The following SGCE variants were observed in gnomAD, a reference collection of about 807,000 sequenced individuals.
SGCE encodes sarcoglycan epsilon, also known as epsilon-sarcoglycan.
A neutral mutation model predicts 57.8 loss-of-function variants in SGCE; 26 were observed. That is an observed-to-expected ratio of 0.45 (90% CI 0.33 to 0.62). The LOEUF (loss-of-function observed/expected upper bound fraction) is 0.62, where lower values mean the gene tolerates loss of function less well. Ranked by LOEUF, SGCE falls within the 20% of genes least tolerant of loss-of-function variation. The pLI is 0.02. For synonymous variants in SGCE, 183 were observed against 189.5 expected, an observed-to-expected ratio of 0.97 and a Z score of 0.28; for missense variants, 468 against 548.6, an observed-to-expected ratio of 0.85 and a Z score of 1.47.
At chr7:94,596,219 T>C (rs1022685017) in intron 9 of SGCE, among the ~76,000 whole-genome samples, 9 of 152,134 alleles carry the variant, frequency 5.9e-5, no homozygotes, top group Non-Finnish European at 8.8e-5. Flanking sequence ...GTAAACTAGA[T>C]AGAAAATTTT....
chr7:94,616,655 T>C (rs1801971141), intron 5 of SGCE, among the ~76,000 whole-genome samples: 1 of 152,180 alleles, frequency 6.6e-6, no homozygotes, highest in African/African-American at 2.4e-5. Flanking sequence ...GGATTTTTTT[T>C]CTAAATTTAA....
chr7:94,598,382 C>G (rs1428960051), intron 9 of SGCE: 2 of 218,768 alleles, frequency 9.1e-6, no homozygotes, highest in Non-Finnish European at 1.8e-5. Flanking sequence ...TTACAAAGGT[C>G]TATGGTAATA....
Position 94,615,365 on chromosome 7 carries a change from AATAGATAGATAGATAGATAG to A in SGCE, c.662+3373_662+3392del, listed in dbSNP as rs3045711. 6.3e-3 allele frequency among the ~76,000 whole-genome samples: 900 copies of A among 142,302 alleles called. 5 individuals are homozygous for A. Among genetic ancestry groups the A allele is most frequent in the South Asian group, 0.023 (93 of 4,098 alleles). The allele number at this position is 142,302 out of a possible 152,430, so 93.4% of individuals were successfully genotyped here. A position where few individuals can be genotyped will look rare whatever the true frequency, so the allele number is the denominator to read the frequency against. ...CAGAGCAAGACTCTGTCTCAAAATA[AATAGATAGATAGATAGATAG>A]ATAGATAGATAGATAGATAGATAGA... On this transcript the variant is annotated intron_variant, in intron 5 of 10. Transcript: ENST00000648936.
intron 1 of SGCE, among the ~76,000 whole-genome samples, chr7:94,635,175 G>A (rs1048046250): frequency 6.6e-6 from 1 of 152,154 alleles, no homozygotes; most frequent in African/African-American, 2.4e-5. Context: ...TCATTGGGAA[G>A]CATCGCAAAG....
In SGCE at chr7:94,589,854, G is replaced by T. The variant is rs186659648; in HGVS notation, c.1254-1122C>A. 1.1e-4 allele frequency: 18 copies of T among 159,436 alleles called. No homozygotes were observed. The East Asian group carries it at 3.3e-3, about 29-fold the overall frequency. The allele number at this position is 159,436 out of a possible 1,614,324, so 9.9% of individuals were successfully genotyped here. On this transcript the variant is annotated intron_variant, in intron 9 of 10. Coordinates refer to ENST00000648936, the MANE Select transcript of SGCE (RefSeq NM_003919.3). ...ATAATATTTCATTATATATTACAAT[G>T]TAATAATAGAAATAAAGTGCATAAT... is the stretch of plus-strand genomic sequence containing the variant.
intron 1 of SGCE, among the ~76,000 whole-genome samples, chr7:94,643,072 C>A (rs1021641237): frequency 6.6e-6 from 1 of 152,194 alleles, no homozygotes; most frequent in Admixed American, 6.5e-5. Flanking sequence ...CTCTTTTGTT[C>A]CTTCCTTTAT....
rs150032548 is a variant in SGCE at position 94,613,906 on chromosome 7, G to C, written c.662+4852C>G. On this transcript the variant is annotated intron_variant, in intron 5 of 10. Coordinates refer to ENST00000648936, the MANE Select transcript of SGCE (RefSeq NM_003919.3). Reference sequence around the variant, plus strand: ...CAACTTCTTTCTAATGTACATACCTGCAATTAATCAATCAAAAAGTAAGAT... The same window carrying C: ...CAACTTCTTTCTAATGTACATACCTCCAATTAATCAATCAAAAAGTAAGAT... Among the ~76,000 whole-genome samples, 533 of 151,936 alleles carry C rather than the reference G, an allele frequency of 3.5e-3. 3 individuals carry two copies. The highest frequency in any genetic ancestry group is 0.012 in the African/African-American group (508 of 41,458).
intron 1 of SGCE, among the ~76,000 whole-genome samples, chr7:94,633,118 T>G (rs893506242): frequency 7.9e-5 from 12 of 152,064 alleles, no homozygotes; most frequent in Non-Finnish European, 1.6e-4. Flanking sequence ...GGCCTCTCTG[T>G]GTATCGCATG....
intron 1 of SGCE, among the ~76,000 whole-genome samples, chr7:94,651,606 T>C (rs1471416325): frequency 6.6e-6 from 1 of 152,230 alleles, no homozygotes; most frequent in East Asian, 1.9e-4. Flanking sequence ...AAGAAATCTA[T>C]ACATATTAAA....
intron 1 of SGCE, among the ~76,000 whole-genome samples, chr7:94,631,199 T>A (rs919551387): frequency 1.3e-5 from 2 of 151,944 alleles, no homozygotes; most frequent in African/African-American, 4.8e-5. Flanking sequence ...AGTACCCAAC[T>A]TCTACTCAAG....
intron 9 of SGCE, chr7:94,590,436 C>T (rs1160917304): frequency 2.0e-5 from 3 of 151,980 alleles, no homozygotes; most frequent in Non-Finnish European, 4.4e-5. Context: ...GAATAAGAAC[C>T]ATCATATTTT....
At chr7:94,604,825 A>G (rs1313989833) in intron 5 of SGCE, among the ~76,000 whole-genome samples, 1 of 53,084 alleles carries the variant, frequency 1.9e-5, no homozygotes, top group African/African-American at 5.9e-5. Context: ...ATATATATAT[A>G]TATATATATA....
At chr7:94,648,376 C>CAA (rs71123907) in intron 1 of SGCE, among the ~76,000 whole-genome samples, 675 of 64,990 alleles carry the variant, frequency 0.01, 2 homozygotes, top group Non-Finnish European at 0.012. Context: ...ACTCTGTCTC[C>CAA]AAAAAAAAAA....
At chr7:94,646,987 G>A (rs976541592) in intron 1 of SGCE, among the ~76,000 whole-genome samples, 1 of 152,142 alleles carries the variant, frequency 6.6e-6, no homozygotes. Context: ...AATCGTCCTC[G>A]TGTCTTTCCA....
chr7:94,649,321 ATT>A (rs1412007919), intron 1 of SGCE, among the ~76,000 whole-genome samples: 2 of 152,210 alleles, frequency 1.3e-5, no homozygotes, highest in African/African-American at 4.8e-5. Context: ...TTACTAACAT[ATT>A]GTTTCCAAGA....
chr7:94,610,371 G>T (rs1800822826), intron 5 of SGCE, among the ~76,000 whole-genome samples: 2 of 152,304 alleles, frequency 1.3e-5, no homozygotes, highest in South Asian at 4.1e-4. Context: ...GTGATAGTGA[G>T]TTGTCAGTGT....
chr7:94,590,832 ATTAT>A (rs2116592226), intron 9 of SGCE: 1 of 152,318 alleles, frequency 6.6e-6, no homozygotes, highest in Admixed American at 6.5e-5. Context: ...ATTGATATGA[ATTAT>A]TTCAGCCAGG....
At chr7:94,649,584 G>A (rs770958402) in intron 1 of SGCE, among the ~76,000 whole-genome samples, 10 of 152,176 alleles carry the variant, frequency 6.6e-5, no homozygotes, top group Non-Finnish European at 1.0e-4. Context: ...GCCCAAGAAC[G>A]CCCGTGGCAT....
chr7:94,623,314 T>C lies in SGCE; in HGVS notation c.463+11A>G. On this transcript the variant is annotated intron_variant, in intron 4 of 10. Transcript: ENST00000648936. ...ATAAATAAGAAATGATCAACATATTTTCATACCTACCTTCTGCAGACATTA... is the reference window on the plus strand; with the variant it reads ...ATAAATAAGAAATGATCAACATATTCTCATACCTACCTTCTGCAGACATTA... 1 of 1,517,690 alleles carries C rather than the reference T, an allele frequency of 6.6e-7. No homozygotes were observed. The highest frequency in any genetic ancestry group is 1.2e-5 in the South Asian group (1 of 86,296). The allele number at this position is 1,517,690 out of a possible 1,614,324, so 94.0% of individuals were successfully genotyped here.
Sources: allele counts gnomAD v4.1 joint callset (sites outside exome capture counted in the v4.1 genomes callset), GRCh38; gene constraint gnomAD v4.1.1; transcripts MANE v1.5; gene names NCBI Gene and HGNC (gene_info 2026-07-23, HGNC 2026-07-21).